The following PAPSS2 variants were observed in gnomAD, a reference collection of about 807,000 sequenced individuals.
The protein encoded by PAPSS2 is bifunctional 3'-phosphoadenosine 5'-phosphosulfate synthase 2.
A neutral mutation model predicts 66.5 loss-of-function variants in PAPSS2; 61 were observed. The observed-to-expected ratio is 0.92, with a 90% confidence interval of 0.75 to 1.14. The LOEUF (loss-of-function observed/expected upper bound fraction) is 1.14. Ranked by LOEUF, PAPSS2 falls within the 50% of genes most tolerant of loss-of-function variation. The probability of loss-of-function intolerance (pLI) is 0.00; values close to 1 mark genes in which losing one functional copy is unlikely to be tolerated. For missense variants in PAPSS2, 708 were observed against 789.6 expected (o/e 0.90, Z 1.24); for synonymous variants, 289 against 287.5 (o/e 1.01, Z -0.05).
chr10:87,684,619 C>CT (rs1853065227), intron 1 of PAPSS2, among the ~76,000 whole-genome samples: 1 of 152,198 alleles, frequency 6.6e-6, no homozygotes, highest in African/African-American at 2.4e-5. Flanking sequence ...CGTAGCTGTC[C>CT]TTTGTTCATT....
chr10:87,701,143 A>C (rs2131922330), intron 1 of PAPSS2, among the ~76,000 whole-genome samples: 1 of 151,650 alleles, frequency 6.6e-6, no homozygotes, highest in African/African-American at 2.4e-5. Flanking sequence ...AACAAAAAGT[A>C]TATATTATTA....
intron 1 of PAPSS2, among the ~76,000 whole-genome samples, chr10:87,687,979 C>T (rs966973142): frequency 7.9e-5 from 12 of 152,116 alleles, no homozygotes; most frequent in African/African-American, 2.7e-4. Context: ...CTTTCATATA[C>T]ACTTTTATTC....
chr10:87,683,482 C>A (rs1476691175), intron 1 of PAPSS2, among the ~76,000 whole-genome samples: 1 of 152,194 alleles, frequency 6.6e-6, no homozygotes, highest in African/African-American at 2.4e-5. Flanking sequence ...GCCTTATATT[C>A]ATCCTCTATT....
At chr10:87,729,015 T>C (rs957415165) in intron 9 of PAPSS2, among the ~76,000 whole-genome samples, 1 of 152,130 alleles carries the variant, frequency 6.6e-6, no homozygotes, top group Non-Finnish European at 1.5e-5. Flanking sequence ...TGCTCTGTCA[T>C]AATCATATAG....
chr10:87,697,542 T>A (rs1286119329), intron 1 of PAPSS2, among the ~76,000 whole-genome samples: 2 of 152,138 alleles, frequency 1.3e-5, no homozygotes, highest in African/African-American at 4.8e-5. Context: ...TACATAGAAT[T>A]GTACCAGCTG....
At chr10:87,683,692 CTTT>C (rs11304506) in intron 1 of PAPSS2, among the ~76,000 whole-genome samples, 5 of 140,616 alleles carry the variant, frequency 3.6e-5, no homozygotes, top group African/African-American at 2.7e-5. Flanking sequence ...GAGATAAAAT[CTTT>C]TTTTTTTTTT....
At chr10:87,679,232 TATC>T (rs1852986463) in intron 1 of PAPSS2, among the ~76,000 whole-genome samples, 1 of 152,164 alleles carries the variant, frequency 6.6e-6, no homozygotes. Flanking sequence ...GAAAACTTGA[TATC>T]ATCAAGGTAG....
At chr10:87,666,606 T>TC (rs1184331773) in intron 1 of PAPSS2, among the ~76,000 whole-genome samples, 1 of 152,120 alleles carries the variant, frequency 6.6e-6, no homozygotes, top group East Asian at 1.9e-4. Context: ...CATTGTCCTG[T>TC]CCAATCCTTA....
rs746213540 is a variant in PAPSS2 at position 87,747,643 on chromosome 10, CA to C, written c.*1676del. 6.6e-5 allele frequency: 10 copies of C among 152,218 alleles called. No individual in the cohort carries two copies. Among genetic ancestry groups the C allele is most frequent in the Non-Finnish European group, 1.2e-4 (8 of 67,736 alleles). 9.4% of individuals were successfully genotyped at this position (152,218 alleles called of 1,614,324 possible). ...TTCTGCTCTAGTACCATGCTTAGTG[CA>C]AATGATTATTTCTATGTACAACTGA... On this transcript the variant is annotated 3_prime_UTR_variant, in exon 13 of 13. Coordinates refer to ENST00000456849, the MANE Select transcript of PAPSS2 (RefSeq NM_001015880.2).
rs939489761 is a variant in PAPSS2, at chr10:87,731,618, C to T, written c.1086+4129C>T. Among the ~76,000 whole-genome samples, 5 of 152,118 alleles carry T rather than the reference C, an allele frequency of 3.3e-5. No homozygotes were observed. The East Asian group carries it at 5.8e-4, about 18-fold the overall frequency. ...GATGCCATCAAGAACATTTGCAATTCGTGGGAAGAGGTTAAATATCAACAC... is the reference window on the plus strand; with the variant it reads ...GATGCCATCAAGAACATTTGCAATTTGTGGGAAGAGGTTAAATATCAACAC... On this transcript the variant is annotated intron_variant, in intron 9 of 12. Coordinates refer to ENST00000456849, the MANE Select transcript of PAPSS2 (RefSeq NM_001015880.2).
intron 1 of PAPSS2, among the ~76,000 whole-genome samples, chr10:87,668,973 A>G (rs964495363): frequency 2.0e-5 from 3 of 152,138 alleles, no homozygotes; most frequent in African/African-American, 7.2e-5. Flanking sequence ...CCATAAACAA[A>G]ACTTCCTCCC....
intron 7 of PAPSS2, 118 bp downstream of exon 7, chr10:87,715,961 T>C: frequency 2.8e-6 from 2 of 723,332 alleles, no homozygotes; most frequent in Non-Finnish European, 5.1e-6. Context: ...TGCAAAACTG[T>C]TTGGATCATT....
At chr10:87,726,160 G>A (rs1032236636) in intron 8 of PAPSS2, among the ~76,000 whole-genome samples, 1 of 152,164 alleles carries the variant, frequency 6.6e-6, no homozygotes, top group African/African-American at 2.4e-5. Flanking sequence ...GGCTGGGCAC[G>A]GTGGCTTACG....
chr10:87,671,623 C>T (rs1294432353), intron 1 of PAPSS2, among the ~76,000 whole-genome samples: 1 of 152,182 alleles, frequency 6.6e-6, no homozygotes, highest in Non-Finnish European at 1.5e-5. Flanking sequence ...TTACAAGTTC[C>T]CAAAGCCCCA....
rs1320826626 is a variant in PAPSS2 at position 87,701,368 on chromosome 10, CTTTCTTTCTTTCTTTCTT to C, written c.28-7826_28-7809del. On this transcript the variant is annotated intron_variant, in intron 1 of 12. Transcript: ENST00000456849. Reference sequence around the variant, plus strand: ...TCTTTCTTTCTTTCTTTCTTTCTTTCTTTCTTTCTTTCTTTCTTTCTTTCTTTCTCTTTCTTTCTCTCT... The same window carrying C: ...TCTTTCTTTCTTTCTTTCTTTCTTTCTCTTTCTTTCTCTTTCTTTCTCTCT... Among the ~76,000 whole-genome samples the C allele has an allele frequency of 3.1e-3, 306 of 98,964 alleles. 1 individual carries two copies. Among genetic ancestry groups the C allele is most frequent in the African/African-American group, 0.013 (289 of 21,864 alleles). The allele number at this position is 98,964 out of a possible 152,430, so 64.9% of individuals were successfully genotyped here.
At chr10:87,676,054 A>ATTTAAAATTG (rs144017457) in intron 1 of PAPSS2, among the ~76,000 whole-genome samples, 1 of 144,654 alleles carries the variant, frequency 6.9e-6, no homozygotes, top group Non-Finnish European at 1.5e-5. Context: ...CTCATGGAAT[A>ATTTAAAATTG]TTTAAAATTA....
chr10:87,664,368 C>G (rs1852790059), intron 1 of PAPSS2, among the ~76,000 whole-genome samples: 1 of 152,158 alleles, frequency 6.6e-6, no homozygotes, highest in Admixed American at 6.5e-5. Flanking sequence ...CAACTTTGGC[C>G]AAGAAAGATA....
At position 87,725,865 on chromosome 10, in the gene PAPSS2, T is replaced by TA. The variant is rs201282640; in HGVS notation, c.881-1411dup. Among the ~76,000 whole-genome samples the TA allele has an allele frequency of 4.0e-3, 480 of 118,972 alleles. 8 individuals are homozygous for TA. In the East Asian group the frequency reaches 0.055, roughly 14 times the overall value. The allele number at this position is 118,972 out of a possible 152,430, so 78.1% of individuals were successfully genotyped here. On this transcript the variant is annotated intron_variant, in intron 8 of 12. Transcript: ENST00000456849. ...TGCATGCCAACATGTCCAGCTAATT[T>TA]AAAAAAAATATGTGTGTATACACAC...
intron 1 of PAPSS2, among the ~76,000 whole-genome samples, chr10:87,701,965 A>C (rs1367181666): frequency 1.3e-5 from 2 of 152,204 alleles, no homozygotes; most frequent in Non-Finnish European, 2.9e-5. Context: ...GTCACTTGGA[A>C]AATGAACTGG....
Sources: gnomAD v4.1 joint callset for allele counts (sites outside exome capture counted in the v4.1 genomes callset) on GRCh38, gnomAD v4.1.1 for gene constraint, MANE v1.5 for transcripts, NCBI Gene and HGNC (gene_info 2026-07-23, HGNC 2026-07-21) for gene names.